The following FAM20C variants were observed in gnomAD, a reference collection of about 807,000 sequenced individuals.
FAM20C encodes FAM20C golgi associated secretory pathway kinase, also known as extracellular serine/threonine protein kinase FAM20C.
A neutral mutation model predicts 51.5 loss-of-function variants in FAM20C; 40 were observed. The ratio of observed to expected loss-of-function variants is 0.78; its 90% CI spans 0.60 to 1.01. The LOEUF (loss-of-function observed/expected upper bound fraction) is 1.01. Ranked by LOEUF, FAM20C falls within the 50% of genes least tolerant of loss-of-function variation. FAM20C has a pLI of 0.00. For synonymous variants in FAM20C, 406 were observed against 380.6 expected, an observed-to-expected ratio of 1.07 and a Z score of -0.78; for missense variants, 861 against 844.7, an observed-to-expected ratio of 1.02 and a Z score of -0.24.
At chr7:202,400 T>A in intron 2 of FAM20C, among the ~76,000 whole-genome samples, 1 of 137,334 alleles carries the variant, frequency 7.3e-6, no homozygotes, top group African/African-American at 2.8e-5. Context: ...TCTTCCTGTG[T>A]GCATAGAGAG....
chr7:197,774 G>A (rs1293252143), intron 2 of FAM20C, among the ~76,000 whole-genome samples: 2 of 152,194 alleles, frequency 1.3e-5, no homozygotes, highest in African/African-American at 4.8e-5. Context: ...CAACACTGAA[G>A]AGGTGTGGGA....
chr7:257,964 A>G (rs1200029951), intron 8 of FAM20C, among the ~76,000 whole-genome samples: 359 of 11,696 alleles, frequency 0.031, 40 homozygotes, highest in African/African-American at 0.077. Context: ...CCACTGCCTG[A>G]GGTGCTGGAG....
chr7:249,228 TCCCC>T (rs199782351), intron 5 of FAM20C, among the ~76,000 whole-genome samples: 8,206 of 152,152 alleles, frequency 0.054, 272 homozygotes, highest in Non-Finnish European at 0.082. Context: ...GTGGGCGGCC[TCCCC>T]CGCCTCGGCG....
chr7:259,897 C>T lies in FAM20C; in HGVS notation c.1672C>T (p.Arg558Trp), dbSNP rs62644536. 0.052 allele frequency: 80,176 copies of T among 1,535,712 alleles called. 2,343 individuals are homozygous for T. Among genetic ancestry groups the T allele is most frequent in the South Asian group, 0.071 (6,008 of 84,030 alleles). The change falls in exon 10 of 10, where the codon CGG becomes TGG. Residue 558 changes from arginine to tryptophan, a missense_variant. Arg to Trp is a moderately radical substitution (Grantham distance 101). Around this residue, in one of 3 missense-constraint regions of FAM20C, gnomAD observed 269 missense variants for 283.8 expected, o/e 0.95. Transcript: ENST00000313766. ...GCTCCGCGTCGTGCTAAAGGCCGTC[C>T]GGGACTGCGTGGAGAGGAACGGGCT... ...RRLRVVLKAV[R>W]DCVERNGLHS...
chr7:216,700 A>T lies in FAM20C; in HGVS notation c.863+7724A>T, dbSNP rs796088756. 7.1e-4 allele frequency among the ~76,000 whole-genome samples: 87 copies of T among 123,294 alleles called. 1 individual carries two copies. In the South Asian group the frequency reaches 0.014, roughly 21 times the overall value. 80.9% of individuals were successfully genotyped at this position (123,294 alleles called of 152,430 possible). A position where few individuals can be genotyped will look rare whatever the true frequency, so the allele number is the denominator to read the frequency against. On this transcript the variant is annotated intron_variant, in intron 3 of 9. Coordinates refer to ENST00000313766, the MANE Select transcript of FAM20C (RefSeq NM_020223.4). ...GTGTGTGAGAGTGTGTGTGTGTGTG[A>T]GACAGAGTGTGTGTGTGTGTGTGTG...
intron 1 of FAM20C, chr7:194,142 G>A (rs1199653798): frequency 3.6e-6 from 1 of 275,378 alleles, no homozygotes; most frequent in Non-Finnish European, 6.8e-6. Flanking sequence ...GAGGGAAGGA[G>A]CCAGGCTGCC....
At chr7:244,901 A>G (rs769133609) in intron 3 of FAM20C, among the ~76,000 whole-genome samples, 1 of 152,230 alleles carries the variant, frequency 6.6e-6, no homozygotes, top group Non-Finnish European at 1.5e-5. Flanking sequence ...AACCCCCCAT[A>G]AGAAACGTTC....
intron 5 of FAM20C, among the ~76,000 whole-genome samples, chr7:251,598 T>G (rs189866345): frequency 2.6e-4 from 39 of 152,174 alleles, no homozygotes; most frequent in Admixed American, 6.5e-4. Flanking sequence ...TGGCTGACAC[T>G]TGGAATCCCC....
intron 9 of FAM20C, among the ~76,000 whole-genome samples, chr7:258,921 G>T (rs1049012572): frequency 1.3e-5 from 2 of 152,144 alleles, no homozygotes; most frequent in African/African-American, 4.8e-5. Flanking sequence ...TCCAGCTCGA[G>T]CCCCCTCGGG....
Position 256,728 on chromosome 7 carries a change from A to G in FAM20C, c.1328A>G (p.Asp443Gly), listed in dbSNP as rs1562400042. 2.0e-6 allele frequency: 3 copies of G among 1,536,198 alleles called. No homozygotes were observed. The highest frequency in any genetic ancestry group is 2.4e-5 in the South Asian group (2 of 84,060). ...PPYDSSHRIL[D>G]VMDMTIFDFL... The stretch of plus-strand genomic sequence containing the variant: ...TACGACAGCAGCCACCGCATCCTGG[A>G]CGTCATGGACATGACGATCTTCGAC... The change falls in exon 7 of 10, where the codon GAC becomes GGC. Residue 443 changes from aspartate (D) to glycine (G), a missense_variant. Physicochemically the swap from Asp to Gly is moderately conservative, Grantham distance 94. Transcript: ENST00000313766.
rs558493623 is a variant in FAM20C at position 253,282 on chromosome 7, T to C, written c.1073-2567T>C. Reference sequence around the variant, plus strand: ...AGACGTCCGCCTTGCAAAACGCTCCTCCTGCTGGGTCAGCCCCGACACAGT... The same window carrying C: ...AGACGTCCGCCTTGCAAAACGCTCCCCCTGCTGGGTCAGCCCCGACACAGT... On this transcript the variant is annotated intron_variant, in intron 5 of 9. Coordinates refer to ENST00000313766, the MANE Select transcript of FAM20C (RefSeq NM_020223.4). Among the ~76,000 whole-genome samples the C allele has an allele frequency of 3.9e-4, 59 of 152,232 alleles. 2 individuals are homozygous for C. In the South Asian group the frequency reaches 0.012, roughly 32 times the overall value.
At chr7:218,749 C>G (rs1787115990) in intron 3 of FAM20C, among the ~76,000 whole-genome samples, 1 of 152,210 alleles carries the variant, frequency 6.6e-6, no homozygotes. Flanking sequence ...GTGACAGGAG[C>G]TGACACAGGC....
At chr7:244,595 T>A (rs1457912267) in intron 3 of FAM20C, among the ~76,000 whole-genome samples, 1 of 152,356 alleles carries the variant, frequency 6.6e-6, no homozygotes, top group East Asian at 1.9e-4. Flanking sequence ...TTTGCCGCCA[T>A]ACCTGCCACT....
intron 1 of FAM20C, among the ~76,000 whole-genome samples, chr7:194,420 G>A (rs1350125524): frequency 8.2e-6 from 1 of 122,358 alleles, no homozygotes; most frequent in Non-Finnish European, 1.7e-5. Flanking sequence ...CCACCCCCCG[G>A]CCCCTCCCTC....
chr7:195,840 A>G, intron 2 of FAM20C, 108 bp downstream of exon 2: 1 of 1,131,786 alleles, frequency 8.8e-7, no homozygotes, highest in East Asian at 3.0e-5. Context: ...GTTGCTCATT[A>G]CGGCAGCGTC....
In FAM20C at chr7:244,991, C is replaced by T. The variant is rs1173386107; in HGVS notation, c.864-1424C>T. On this transcript the variant is annotated intron_variant, in intron 3 of 9. Transcript: ENST00000313766. ...GAGCCACGGGCTGGTGTGTAATTGA[C>T]GGCCTGTGACCCAGACGTGGTCCCC... 9.2e-5 allele frequency among the ~76,000 whole-genome samples: 14 copies of T among 152,352 alleles called. No individual in the cohort carries two copies. The East Asian group carries it at 2.5e-3, about 27-fold the overall frequency.
At chr7:211,920 T>C (rs1786738515) in intron 3 of FAM20C, among the ~76,000 whole-genome samples, 1 of 150,308 alleles carries the variant, frequency 6.7e-6, no homozygotes, top group Non-Finnish European at 1.5e-5. Context: ...CCCAGCTCGG[T>C]CCTCTCACCG....
intron 5 of FAM20C, among the ~76,000 whole-genome samples, chr7:252,723 G>C (rs1309988311): frequency 1.3e-5 from 2 of 152,234 alleles, no homozygotes; most frequent in African/African-American, 4.8e-5. Flanking sequence ...CTGAGCCCCA[G>C]GCAGCCCCCT....
Position 218,872 on chromosome 7 carries a change from C to CGG in FAM20C, c.863+9896_863+9897insGG, listed in dbSNP as rs1205654873. 2.3e-4 allele frequency among the ~76,000 whole-genome samples: 34 copies of CGG among 146,474 alleles called. 1 individual carries two copies. Among genetic ancestry groups the CGG allele is most frequent in the African/African-American group, 6.9e-4 (27 of 39,412 alleles). On this transcript the variant is annotated intron_variant, in intron 3 of 9. Transcript: ENST00000313766. ...CGGGCCCAGGACGCACAGATCACTC[C>CGG]TGTCCGGCCGGGAGCTGACACGGGC...
Sources: gnomAD v4.1 joint callset for allele counts (sites outside exome capture counted in the v4.1 genomes callset) on GRCh38, gnomAD v4.1.1 for gene constraint, gnomAD v4.1.1 regional missense constraint, MANE v1.5 for transcripts, NCBI Gene and HGNC (gene_info 2026-07-23, HGNC 2026-07-21) for gene names.